Variants in POC1A observed in about 807,000 individuals in gnomAD.
POC1A encodes POC1 centriolar protein homolog A.
POC1A carries 34 observed loss-of-function variants against 47.8 expected under a neutral mutation model. The ratio of observed to expected loss-of-function variants is 0.71; its 90% CI spans 0.54 to 0.95. The LOEUF is 0.95. Among genes scored for constraint, POC1A ranks in the 40% least tolerant of loss-of-function variants. The pLI, the probability that POC1A is intolerant of heterozygous loss-of-function variation, is 0.00. For missense variants in POC1A, 466 were observed against 528.3 expected (o/e 0.88, Z 1.16); for synonymous variants, 177 against 207.6 (o/e 0.85, Z 1.27).
At chr3:52,136,628 G>T (rs1419269126) in intron 7 of POC1A, among the ~76,000 whole-genome samples, 1 of 152,168 alleles carries the variant, frequency 6.6e-6, no homozygotes, top group Non-Finnish European at 1.5e-5. Flanking sequence ...AAGAAGAAAT[G>T]ACCCAGCCCT....
intron 9 of POC1A, among the ~76,000 whole-genome samples, chr3:52,111,450 A>C (rs537151551): frequency 2.0e-5 from 3 of 152,186 alleles, no homozygotes; most frequent in Admixed American, 2.0e-4. Context: ...AGTTTGTGAC[A>C]AGCCTGGCCA....
chr3:52,134,703 A>C (rs1704375864), intron 7 of POC1A, among the ~76,000 whole-genome samples: 1 of 152,038 alleles, frequency 6.6e-6, no homozygotes, highest in South Asian at 2.1e-4. Flanking sequence ...ATGTGATAGA[A>C]ACTGCATAGA....
At chr3:52,077,459 G>A (rs557960504) in intron 10 of POC1A, among the ~76,000 whole-genome samples, 2 of 152,350 alleles carry the variant, frequency 1.3e-5, no homozygotes, top group East Asian at 3.9e-4. Flanking sequence ...CCTTCTAAAT[G>A]GGCCAATCAG....
At chr3:52,102,451 G>A (rs912511838) in intron 9 of POC1A, among the ~76,000 whole-genome samples, 2 of 152,068 alleles carry the variant, frequency 1.3e-5, no homozygotes, top group African/African-American at 4.8e-5. Context: ...CTCTGCCTTT[G>A]TCTTCACATG....
intron 10 of POC1A, among the ~76,000 whole-genome samples, chr3:52,087,774 A>G (rs1355599648): frequency 6.6e-6 from 1 of 152,188 alleles, no homozygotes. Context: ...TGCTCCTGGG[A>G]CCCATGGGGT....
At chr3:52,124,012 G>C (rs1223367025) in intron 8 of POC1A, among the ~76,000 whole-genome samples, 1 of 152,214 alleles carries the variant, frequency 6.6e-6, no homozygotes, top group Non-Finnish European at 1.5e-5. Context: ...AACCCAGGCT[G>C]TGGTCAAAGA....
chr3:52,117,328 G>A (rs1427748318), intron 9 of POC1A, among the ~76,000 whole-genome samples: 1 of 152,190 alleles, frequency 6.6e-6, no homozygotes, highest in Non-Finnish European at 1.5e-5. Flanking sequence ...AGTTCAGCCT[G>A]GGTGACAGAG....
intron 9 of POC1A, among the ~76,000 whole-genome samples, chr3:52,118,407 T>C (rs1243442236): frequency 1.3e-5 from 2 of 152,202 alleles, no homozygotes; most frequent in African/African-American, 2.4e-5. Context: ...GAAATGTGCC[T>C]AAAAATAAGC....
chr3:52,114,947 G>C (rs1314449881), intron 9 of POC1A, among the ~76,000 whole-genome samples: 1 of 152,156 alleles, frequency 6.6e-6, no homozygotes, highest in Non-Finnish European at 1.5e-5. Context: ...TCAGCCAAAG[G>C]GTGTGAGCAA....
intron 9 of POC1A, 103 bp downstream of exon 9, chr3:52,122,276 A>C: frequency 1.5e-6 from 1 of 663,638 alleles, no homozygotes. Flanking sequence ...TTCCCGAGAC[A>C]GGCCTAAACC....
In POC1A at chr3:52,090,816, G is replaced by T. The variant is rs545905080; in HGVS notation, c.1125+5753C>A. ...GGCAGGCCTAGCAGCCTCGGGGTCC[G>T]GCCTAGAGTCCTCCAGGGGTGCTCA... On this transcript the variant is annotated intron_variant, in intron 10 of 10. Coordinates refer to ENST00000296484, the MANE Select transcript of POC1A (RefSeq NM_015426.5). This position sits in a 1 kb window ranked among gnomAD's most constrained non-coding sequence, Gnocchi z 4.2. Among the ~76,000 whole-genome samples the T allele has an allele frequency of 6.6e-6, 1 of 151,882 alleles. No individual in the cohort carries two copies. The highest frequency in any genetic ancestry group is 1.5e-5 in the Non-Finnish European group (1 of 67,930).
chr3:52,103,580 C>A (rs1297211398), intron 9 of POC1A, among the ~76,000 whole-genome samples: 2 of 152,130 alleles, frequency 1.3e-5, no homozygotes, highest in African/African-American at 4.8e-5. Context: ...AACTGATACA[C>A]ATTTTTCCTG....
At chr3:52,082,869 C>T (rs1248914172) in intron 10 of POC1A, among the ~76,000 whole-genome samples, 2 of 152,172 alleles carry the variant, frequency 1.3e-5, no homozygotes, top group African/African-American at 2.4e-5. Flanking sequence ...CAGATACCCC[C>T]AGTCTGCACC....
chr3:52,079,319 G>A lies in POC1A; in HGVS notation c.1126-3334C>T, dbSNP rs1048392100. Among the ~76,000 whole-genome samples, 22 of 152,306 alleles carry A rather than the reference G, an allele frequency of 1.4e-4. No individual in the cohort carries two copies. Among genetic ancestry groups the A allele is most frequent in the African/African-American group, 4.6e-4 (19 of 41,560 alleles). On this transcript the variant is annotated intron_variant, in intron 10 of 10. Coordinates refer to ENST00000296484, the MANE Select transcript of POC1A (RefSeq NM_015426.5). The surrounding 1 kb of genome is among the most constrained non-coding windows in gnomAD (Gnocchi z 4.6). ...GGGCCCAGCCAAGCAGGCTGCTCTC[G>A]TCGCCTCATGCTCCGTCCAGCCCGG... is the stretch of plus-strand genomic sequence containing the variant.
At chr3:52,110,651 G>A (rs936107328) in intron 9 of POC1A, among the ~76,000 whole-genome samples, 1 of 152,182 alleles carries the variant, frequency 6.6e-6, no homozygotes, top group African/African-American at 2.4e-5. Flanking sequence ...GTGATGATGG[G>A]GCTTTAGATT....
At chr3:52,106,340 C>A (rs1177407252) in intron 9 of POC1A, among the ~76,000 whole-genome samples, 1 of 152,078 alleles carries the variant, frequency 6.6e-6, no homozygotes, top group Non-Finnish European at 1.5e-5. Flanking sequence ...CTATGGGAAA[C>A]CAACATGGTG....
intron 9 of POC1A, among the ~76,000 whole-genome samples, chr3:52,120,636 C>G (rs1703745691): frequency 6.6e-6 from 1 of 152,186 alleles, no homozygotes; most frequent in Non-Finnish European, 1.5e-5. Flanking sequence ...CCCCAGGACC[C>G]ACATCCTTTC....
intron 7 of POC1A, among the ~76,000 whole-genome samples, chr3:52,127,840 C>A (rs1196732984): frequency 1.3e-5 from 2 of 151,986 alleles, no homozygotes; most frequent in Non-Finnish European, 2.9e-5. Flanking sequence ...AGGTTGCAGG[C>A]ACCCTCCACC....
intron 6 of POC1A, among the ~76,000 whole-genome samples, chr3:52,143,092 G>C (rs1020856137): frequency 6.7e-6 from 1 of 148,786 alleles, no homozygotes; most frequent in Non-Finnish European, 1.5e-5. Flanking sequence ...GTGTTTATGG[G>C]GTACTCCAAA....
Sources: allele counts gnomAD v4.1 joint callset (sites outside exome capture counted in the v4.1 genomes callset), GRCh38; gene constraint gnomAD v4.1.1; non-coding constraint Gnocchi (gnomAD v3.1); transcripts MANE v1.5; gene names NCBI Gene and HGNC (gene_info 2026-07-23, HGNC 2026-07-21).